KHDRBS2: variants seen among roughly 807,000 people sequenced by gnomAD.
The protein encoded by KHDRBS2 is KH RNA binding domain containing, signal transduction associated 2.
In KHDRBS2, 26 loss-of-function variants were observed where a neutral mutation model predicts 44.3. That is an observed-to-expected ratio of 0.59 (90% CI 0.43 to 0.81). The LOEUF (loss-of-function observed/expected upper bound fraction) is 0.81, where lower values mean the gene tolerates loss of function less well. KHDRBS2 is among the 40% of genes least tolerant of loss of function. The pLI is 0.00. For synonymous variants in KHDRBS2, 194 were observed against 151.1 expected (o/e 1.28, Z -2.08); for missense variants, 476 against 433.1 (o/e 1.10, Z -0.88).
chr6:62,052,522 A>G (rs191857050), intron 2 of KHDRBS2, among the ~76,000 whole-genome samples: 1 of 150,966 alleles, frequency 6.6e-6, no homozygotes, highest in Admixed American at 6.6e-5. Context: ...GAACAAGTCT[A>G]GAGACAGAGT....
intron 4 of KHDRBS2, among the ~76,000 whole-genome samples, chr6:61,936,068 T>C (rs1008646876): frequency 6.6e-6 from 1 of 152,124 alleles, no homozygotes; most frequent in African/African-American, 2.4e-5. Context: ...CAAGAAACCA[T>C]GTATACTCTG....
At chr6:61,731,210 G>T (rs1015812323) in intron 7 of KHDRBS2, among the ~76,000 whole-genome samples, 7 of 152,006 alleles carry the variant, frequency 4.6e-5, no homozygotes, top group Non-Finnish European at 7.4e-5. Context: ...TAGCCAATTT[G>T]CATATAATAC....
intron 6 of KHDRBS2, among the ~76,000 whole-genome samples, chr6:61,788,853 C>A (rs1370462294): frequency 6.6e-6 from 1 of 150,786 alleles, no homozygotes; most frequent in African/African-American, 2.4e-5. Flanking sequence ...TGAAAAAAAT[C>A]TATACAAAAT....
chr6:61,572,522 A>C, the KHDRBS2 span, among the ~76,000 whole-genome samples: 12 of 152,018 alleles, frequency 7.9e-5, no homozygotes, highest in Admixed American at 1.3e-4. Context: ...AACAAACAAA[A>C]AAAACTACAT....
chr6:61,799,602 A>G (rs903002903), intron 6 of KHDRBS2, among the ~76,000 whole-genome samples: 2 of 151,930 alleles, frequency 1.3e-5, no homozygotes, highest in African/African-American at 4.8e-5. Flanking sequence ...CCGCAAATAA[A>G]TCCTTCCCAC....
intron 2 of KHDRBS2, among the ~76,000 whole-genome samples, chr6:62,068,886 T>A (rs1794358673): frequency 6.6e-6 from 1 of 151,740 alleles, no homozygotes; most frequent in Non-Finnish European, 1.5e-5. Context: ...CCAAACCATC[T>A]TGAATATTGT....
chr6:61,981,656 T>C (rs777942366), intron 3 of KHDRBS2, among the ~76,000 whole-genome samples: 6 of 152,152 alleles, frequency 3.9e-5, no homozygotes, highest in Non-Finnish European at 8.8e-5. Flanking sequence ...TTTGCAAAAA[T>C]CAAATTCTAA....
At chr6:61,900,726 T>A (rs1803820231) in intron 5 of KHDRBS2, among the ~76,000 whole-genome samples, 1 of 152,204 alleles carries the variant, frequency 6.6e-6, no homozygotes, top group African/African-American at 2.4e-5. Context: ...TATCTATCTC[T>A]GTATCTCTAT....
intron 1 of KHDRBS2, among the ~76,000 whole-genome samples, chr6:62,276,690 A>C (rs1355588752): frequency 6.6e-6 from 1 of 152,258 alleles, no homozygotes; most frequent in Non-Finnish European, 1.5e-5. Flanking sequence ...TTATGATATC[A>C]TATAATAATT....
intron 6 of KHDRBS2, among the ~76,000 whole-genome samples, chr6:61,824,717 A>G (rs1374754702): frequency 6.6e-6 from 1 of 152,150 alleles, no homozygotes; most frequent in Non-Finnish European, 1.5e-5. Context: ...GGAGGCTTTA[A>G]GTTTTATTAA....
chr6:61,777,456 G>A (rs1782253326), intron 6 of KHDRBS2, among the ~76,000 whole-genome samples: 1 of 152,112 alleles, frequency 6.6e-6, no homozygotes, highest in Admixed American at 6.6e-5. Flanking sequence ...TATCAACACA[G>A]AGAAAGAGTA....
At chr6:61,915,716 C>A (rs1806871904) in intron 4 of KHDRBS2, among the ~76,000 whole-genome samples, 1 of 151,924 alleles carries the variant, frequency 6.6e-6, no homozygotes, top group South Asian at 2.1e-4. Flanking sequence ...ATCAACAAAC[C>A]CTCTCGAGGA....
At chr6:61,884,708 T>C (rs1339450287) in intron 6 of KHDRBS2, among the ~76,000 whole-genome samples, 1 of 152,092 alleles carries the variant, frequency 6.6e-6, no homozygotes, top group East Asian at 1.9e-4. Flanking sequence ...ATGTAACCTT[T>C]GTTAAAAGGA....
intron 2 of KHDRBS2, among the ~76,000 whole-genome samples, chr6:62,065,333 T>C (rs377461426): frequency 2.6e-5 from 4 of 151,742 alleles, no homozygotes; most frequent in African/African-American, 4.8e-5. Context: ...CACATGCACA[T>C]GTATGTTTAT....
intron 1 of KHDRBS2, among the ~76,000 whole-genome samples, chr6:62,257,435 T>C (rs1434427955): frequency 1.3e-5 from 2 of 152,084 alleles, no homozygotes; most frequent in African/African-American, 4.8e-5. Flanking sequence ...TTGAAATAAA[T>C]AACAGAGCAG....
At chr6:61,890,260 A>C (rs1361346053) in intron 6 of KHDRBS2, among the ~76,000 whole-genome samples, 1 of 152,218 alleles carries the variant, frequency 6.6e-6, no homozygotes, top group African/African-American at 2.4e-5. Flanking sequence ...TAAAATCTAA[A>C]TAATAATTTC....
At chr6:61,777,575 A>C (rs1782274075) in intron 6 of KHDRBS2, among the ~76,000 whole-genome samples, 1 of 152,186 alleles carries the variant, frequency 6.6e-6, no homozygotes, top group Non-Finnish European at 1.5e-5. Flanking sequence ...GAAAGTACAG[A>C]GTAGAATTTT....
chr6:61,924,797 T>C (rs1808669437), intron 4 of KHDRBS2, among the ~76,000 whole-genome samples: 1 of 152,046 alleles, frequency 6.6e-6, no homozygotes, highest in Admixed American at 6.6e-5. Context: ...TATTAATTAT[T>C]TCCAAATAAA....
chr6:61,543,378 T>C, the KHDRBS2 span, among the ~76,000 whole-genome samples: 1 of 151,856 alleles, frequency 6.6e-6, no homozygotes, highest in Non-Finnish European at 1.5e-5. Flanking sequence ...CAATGATCAT[T>C]AGAAAAATGC....
Sources: gnomAD v4.1 joint callset for allele counts (sites outside exome capture counted in the v4.1 genomes callset) on GRCh38, gnomAD v4.1.1 for gene constraint, MANE v1.5 for transcripts, NCBI Gene and HGNC (gene_info 2026-07-23, HGNC 2026-07-21) for gene names.